The following GARNL3 variants were observed in gnomAD, a reference collection of about 807,000 sequenced individuals.
GARNL3 encodes the protein GTPase activating Rap/RanGAP domain like 3, also known as GTPase-activating Rap/Ran-GAP domain-like protein 3.
Under a neutral mutation model 125.0 loss-of-function variants are expected in GARNL3, and 63 were observed. That is an observed-to-expected ratio of 0.50 (90% CI 0.41 to 0.62). The LOEUF is 0.62. GARNL3 is among the 20% of genes least tolerant of loss of function. GARNL3 has a pLI of 0.00. For synonymous variants in GARNL3, 439 were observed against 457.5 expected, an observed-to-expected ratio of 0.96 and a Z score of 0.52; for missense variants, 994 against 1,244.0, an observed-to-expected ratio of 0.80 and a Z score of 3.02.
At chr9:127,368,709 C>T (rs925926258) in intron 22 of GARNL3, among the ~76,000 whole-genome samples, 4 of 150,386 alleles carry the variant, frequency 2.7e-5, no homozygotes, top group Admixed American at 1.3e-4. Flanking sequence ...CTGAGGCGGG[C>T]AGATCATTTG....
intron 1 of GARNL3, among the ~76,000 whole-genome samples, chr9:127,283,845 T>C (rs1419222661): frequency 6.6e-6 from 1 of 152,172 alleles, no homozygotes; most frequent in African/African-American, 2.4e-5. Context: ...TTCTCCCTCC[T>C]GGACACGGTC....
chr9:127,291,773 G>A (rs530172884), intron 2 of GARNL3, among the ~76,000 whole-genome samples: 1 of 145,542 alleles, frequency 6.9e-6, no homozygotes, highest in African/African-American at 2.6e-5. Context: ...TCTATCCCAC[G>A]GGGTCTACCC....
At chr9:127,376,434 G>A (rs1831917758) in intron 22 of GARNL3, among the ~76,000 whole-genome samples, 1 of 151,904 alleles carries the variant, frequency 6.6e-6, no homozygotes, top group African/African-American at 2.4e-5. Flanking sequence ...TAGCCAGGAT[G>A]GTCTCGATCT....
chr9:127,251,390 G>T (rs1459518612), intron 2 of GARNL3, among the ~76,000 whole-genome samples: 1 of 151,652 alleles, frequency 6.6e-6, no homozygotes, highest in African/African-American at 2.4e-5. Context: ...TGATTTCATA[G>T]TTTTTTTTGT....
chr9:127,341,566 G>T (rs1829860145), intron 13 of GARNL3, among the ~76,000 whole-genome samples: 1 of 152,232 alleles, frequency 6.6e-6, no homozygotes, highest in Non-Finnish European at 1.5e-5. Context: ...GCAACAGAGT[G>T]GGTGTAGCTA....
intron 1 of GARNL3, among the ~76,000 whole-genome samples, chr9:127,278,697 A>G (rs892463246): frequency 3.3e-5 from 5 of 152,162 alleles, no homozygotes; most frequent in Admixed American, 6.5e-5. Flanking sequence ...GTCACTTAAA[A>G]CAACAGAATT....
At chr9:127,339,864 C>T in intron 13 of GARNL3, 113 bp downstream of exon 13, 3 of 758,578 alleles carry the variant, frequency 4.0e-6, no homozygotes, top group Non-Finnish European at 7.1e-6. Flanking sequence ...ATTCCATGTT[C>T]CGTTAATTCT....
intron 22 of GARNL3, chr9:127,367,252 T>C (rs1250512793): frequency 2.0e-5 from 3 of 152,354 alleles, no homozygotes; most frequent in African/African-American, 7.2e-5. Flanking sequence ...TAGTCTATGT[T>C]CTTGACTTGA....
intron 2 of GARNL3, among the ~76,000 whole-genome samples, chr9:127,256,402 C>T (rs1392224127): frequency 1.3e-5 from 2 of 152,204 alleles, no homozygotes; most frequent in Non-Finnish European, 2.9e-5. Context: ...ACTGCATATG[C>T]TACTGACGAA....
intron 4 of GARNL3, among the ~76,000 whole-genome samples, chr9:127,316,890 G>A (rs2131493419): frequency 6.6e-6 from 1 of 152,330 alleles, no homozygotes; most frequent in Middle Eastern, 3.4e-3. Flanking sequence ...ATTGGCAGAT[G>A]TGTCCCAATA....
intron 7 of GARNL3, among the ~76,000 whole-genome samples, chr9:127,329,651 C>A (rs1007772068): frequency 1.1e-4 from 17 of 151,952 alleles, no homozygotes; most frequent in African/African-American, 4.1e-4. Flanking sequence ...TGGTAGTAGG[C>A]CCCATCTCTG....
intron 2 of GARNL3, among the ~76,000 whole-genome samples, chr9:127,309,006 A>C (rs2065027509): frequency 6.6e-6 from 1 of 152,228 alleles, no homozygotes; most frequent in Non-Finnish European, 1.5e-5. Context: ...TGCAGCTTTT[A>C]TATAAATTTA....
chr9:127,334,534 T>C (rs1264269955), intron 9 of GARNL3, among the ~76,000 whole-genome samples: 1 of 152,124 alleles, frequency 6.6e-6, no homozygotes, highest in East Asian at 1.9e-4. Context: ...CGAACACACA[T>C]AGAGTGCACA....
intron 6 of GARNL3, among the ~76,000 whole-genome samples, chr9:127,322,173 G>A (rs1285031991): frequency 6.6e-6 from 1 of 152,128 alleles, no homozygotes; most frequent in Non-Finnish European, 1.5e-5. Context: ...TTATAAATAT[G>A]TCAGTACCCA....
At chr9:127,250,513 A>G (rs545169854) in intron 2 of GARNL3, among the ~76,000 whole-genome samples, 83 of 152,310 alleles carry the variant, frequency 5.4e-4, no homozygotes, top group African/African-American at 1.9e-3. Flanking sequence ...CAGGAGTGGC[A>G]GTAAGTCTGA....
intron 17 of GARNL3, among the ~76,000 whole-genome samples, chr9:127,349,460 C>T (rs1033275405): frequency 2.4e-4 from 36 of 151,110 alleles, no homozygotes; most frequent in African/African-American, 8.7e-4. Context: ...ATGTCCAAAA[C>T]AAACAATAAG....
At chr9:127,281,207 A>G (rs1032457101) in intron 1 of GARNL3, among the ~76,000 whole-genome samples, 3 of 152,154 alleles carry the variant, frequency 2.0e-5, no homozygotes, top group African/African-American at 7.2e-5. Flanking sequence ...AGGTCCCATG[A>G]TGCCACAGCT....
intron 1 of GARNL3, among the ~76,000 whole-genome samples, chr9:127,240,942 G>C (rs2063192590): frequency 6.6e-6 from 1 of 152,222 alleles, no homozygotes; most frequent in Non-Finnish European, 1.5e-5. Context: ...CATTCTAACA[G>C]TGTATTTATA....
chr9:127,285,222 G>A lies in GARNL3; in HGVS notation c.145-5946G>A, dbSNP rs10987589. ...CGAGGTGGGCGGATCACCTGAGGTCGGGAGTTTGAGACCAGCCTGACCAAC... is the reference window on the plus strand; with the variant it reads ...CGAGGTGGGCGGATCACCTGAGGTCAGGAGTTTGAGACCAGCCTGACCAAC... On this transcript the variant is annotated intron_variant, in intron 1 of 27. Transcript: ENST00000373387. 5.2e-3 allele frequency among the ~76,000 whole-genome samples: 797 copies of A among 152,142 alleles called. 23 individuals carry two copies. In the East Asian group the frequency reaches 0.097, roughly 19 times the overall value.
Sources: allele counts gnomAD v4.1 joint callset (sites outside exome capture counted in the v4.1 genomes callset), GRCh38; gene constraint gnomAD v4.1.1; transcripts MANE v1.5; gene names NCBI Gene and HGNC (gene_info 2026-07-23, HGNC 2026-07-21).